The following TLE2 variants were observed in gnomAD, a reference collection of about 807,000 sequenced individuals.
The protein encoded by TLE2 is transducin-like enhancer protein 2.
Under a neutral mutation model 97.2 loss-of-function variants are expected in TLE2, and 74 were observed. The observed-to-expected ratio is 0.76, with a 90% CI of 0.63 to 0.92. The LOEUF (loss-of-function observed/expected upper bound fraction) is 0.92, where lower values mean the gene tolerates loss of function less well. TLE2 is among the 40% of genes least tolerant of loss of function. The pLI is 0.00. For synonymous variants in TLE2, 499 were observed against 432.1 expected (o/e 1.15, Z -1.92); for missense variants, 1,038 against 1,008.7 (o/e 1.03, Z -0.39).
chr19:3,033,861 T>G (rs2090044151), upstream of TLE2, among the ~76,000 whole-genome samples: 1 of 149,138 alleles, frequency 6.7e-6, no homozygotes, highest in Non-Finnish European at 1.5e-5. Context: ...CTACAAAAAG[T>G]AAAATAACAA....
In TLE2 at chr19:3,005,521, G is replaced by A; in HGVS notation, c.1812C>T (p.Leu604=). The A allele has an allele frequency of 6.2e-7, 1 of 1,613,764 alleles. No homozygotes were observed. Among genetic ancestry groups the A allele is most frequent in the South Asian group, 1.1e-5 (1 of 91,048 alleles). ...CCGTGTTGTCCAGGCCCCCTGTCCAGAGCCGAGTGCCGTAATCGGAAATAT... is the reference window on the plus strand; with the variant it reads ...CCGTGTTGTCCAGGCCCCCTGTCCAAAGCCGAGTGCCGTAATCGGAAATAT... The part of the protein sequence containing the change: ...CIDISDYGTR[L]WTGGLDNTVR... The change falls in exon 17 of 20, where the codon CTC becomes CTT. Residue 604 remains leucine, a synonymous_variant. Coordinates refer to ENST00000262953, the MANE Select transcript of TLE2 (RefSeq NM_003260.5).
At chr19:3,044,672 G>A (rs533604099) in intron 1 of TLE2, among the ~76,000 whole-genome samples, 3 of 152,194 alleles carry the variant, frequency 2.0e-5, no homozygotes, top group East Asian at 1.9e-4. Context: ...CTCCTGCCTC[G>A]GCCTCCCGAA....
chr19:3,009,514 C>A, intron 13 of TLE2, 28 bp downstream of exon 13: 2 of 1,564,038 alleles, frequency 1.3e-6, no homozygotes, highest in Non-Finnish European at 1.7e-6. Flanking sequence ...CCTGCTGACA[C>A]CTCCTGCGCC....
chr19:3,014,616 TG>T lies in TLE2; in HGVS notation c.679-3del. The T allele has an allele frequency of 1.9e-6, 3 of 1,589,748 alleles. No individual in the cohort carries two copies. Among genetic ancestry groups the T allele is most frequent in the South Asian group, 1.1e-5 (1 of 87,106 alleles). ...ATCACTCTTGTCTTCGTCGCTTTCC[TG>T]GGGGAAGATGGGGGAGAGAGCTCAT... On this transcript the variant is annotated splice_region_variant and splice_polypyrimidine_tract_variant and intron_variant, in intron 9 of 19. Coordinates refer to ENST00000262953, the MANE Select transcript of TLE2 (RefSeq NM_003260.5).
intron 10 of TLE2, among the ~76,000 whole-genome samples, chr19:3,014,145 C>T (rs894851891): frequency 5.3e-5 from 8 of 152,064 alleles, no homozygotes; most frequent in African/African-American, 1.2e-4. Flanking sequence ...GTCTCAAACT[C>T]CTGACCTCAA....
At chr19:3,027,957 G>T in intron 3 of TLE2, 84 bp from the exon 4 acceptor site, 1 of 1,368,340 alleles carries the variant, frequency 7.3e-7, no homozygotes, top group Non-Finnish European at 1.0e-6. Context: ...TCTTCCAAGA[G>T]TCCCCAGGTT....
intron 10 of TLE2, among the ~76,000 whole-genome samples, chr19:3,014,277 T>G (rs1361591662): frequency 1.3e-5 from 2 of 152,114 alleles, no homozygotes; most frequent in Non-Finnish European, 2.9e-5. Flanking sequence ...GAGGACTATA[T>G]AAAGGCTTGG....
chr19:3,033,699 C>G (rs1340103758), upstream of TLE2, among the ~76,000 whole-genome samples: 1 of 151,914 alleles, frequency 6.6e-6, no homozygotes, highest in Non-Finnish European at 1.5e-5. Flanking sequence ...CCTCCCTCTG[C>G]GGGGCTCTCC....
chr19:3,014,177 C>G (rs1022176809), intron 10 of TLE2, among the ~76,000 whole-genome samples: 6 of 152,126 alleles, frequency 3.9e-5, no homozygotes, highest in Non-Finnish European at 7.3e-5. Flanking sequence ...GCCTCAGCCT[C>G]CCAAAGTGCT....
chr19:2,998,237 A>ATGTGTGTGTGTGTGTG (rs56398458), intron 19 of TLE2, among the ~76,000 whole-genome samples: 69 of 121,412 alleles, frequency 5.7e-4, no homozygotes, highest in African/African-American at 2.2e-3. Flanking sequence ...CGCCCGGCCA[A>ATGTGTGTGTGTGTGTG]TGTGTGTGTG....
Position 3,013,790 on chromosome 19 carries a change from G to A in TLE2, c.752C>T (p.Ala251Val). ...GGGTACCTTTCCGCAGGGGGTGGTA[G>A]CCGGGCTGGGGGGCTCTGAGGGTTG... ...EDQPSEPPSP[A>V]TTPCGKVPIC... Residue 251 changes from alanine to valine, a missense_variant, in exon 11 of 20, where the codon GCT (alanine) becomes GTT (valine). Physicochemically the swap from Ala to Val is moderately conservative, Grantham distance 64. Transcript: ENST00000262953. 1 of 1,557,372 alleles carries A rather than the reference G, an allele frequency of 6.4e-7. No homozygotes were observed. The highest frequency in any genetic ancestry group is 1.2e-5 in the South Asian group (1 of 82,536).
rs2089452726 is a variant in TLE2, at chr19:3,005,450, T to C, written c.1883A>G (p.Asp628Gly). Residue 628 changes from aspartate (D) to glycine (G), a missense_variant, in exon 17 of 20, where the codon GAC (aspartate) becomes GGC (glycine). By Grantham distance (94) the Asp-to-Gly change is moderately conservative. Coordinates refer to ENST00000262953, the MANE Select transcript of TLE2 (RefSeq NM_003260.5). ...LREGRQLQQH[D>G]FSSQIFSLGH... ...ACCGAACAGCACCTGGGAGCTGAAG[T>C]CATGCTGCTGCAGCTGGCGGCCCTC... 1 of 1,613,722 alleles carries C rather than the reference T, an allele frequency of 6.2e-7. No homozygotes were observed. The highest frequency in any genetic ancestry group is 1.3e-5 in the African/African-American group (1 of 74,920).
Position 3,015,934 on chromosome 19 carries a change from CTCTT to C in TLE2, c.571-178_571-175del, listed in dbSNP as rs1346277612. 4.3e-6 allele frequency: 3 copies of C among 693,868 alleles called. No individual in the cohort carries two copies. In the African/African-American group the frequency reaches 5.3e-5, roughly 12 times the overall value. The allele number at this position is 693,868 out of a possible 1,614,324, so 43.0% of individuals were successfully genotyped here. On this transcript the variant is annotated intron_variant, in intron 8 of 19. Transcript: ENST00000262953. ...TGACTCAGTGCTAAGGTTTTGTTCT[CTCTT>C]CTGTTTTGTTTTGTTTTTGACGGAG...
rs774732505 is a variant in TLE2 at position 3,027,856 on chromosome 19, G to C, written c.204C>G (p.Tyr68Ter). The C allele has an allele frequency of 1.9e-6, 3 of 1,611,352 alleles. No individual in the cohort carries two copies. Among genetic ancestry groups the C allele is most frequent in the Non-Finnish European group, 2.5e-6 (3 of 1,178,950 alleles). Reference sequence around the variant, plus strand: ...GCTTATGCATTTCAATGTTGAGCCCGTACGACATCTCATAATACTGCAAAG... The same window carrying C: ...GCTTATGCATTTCAATGTTGAGCCCCTACGACATCTCATAATACTGCAAAG... ...RHYVMYYEMS[Y>*]GLNIEMHKQA... The change falls in exon 4 of 20, where the codon TAC (tyrosine) becomes TAG (stop). Residue 68 changes from tyrosine to a stop codon, truncating the protein, a stop_gained. Transcript: ENST00000262953. LOFTEE classifies it high-confidence loss of function.
rs1555695656 is a variant in TLE2, at chr19:3,041,013, A to ATATATATT, written c.63+4712_63+4713insAATATATA. On this transcript the variant is annotated intron_variant, in intron 1 of 18. Transcript: ENST00000426948. Reference sequence around the variant, plus strand: ...CATTTATATATATATATATATATATATTTTTTTTTTTTTTTTTTTTTTTTT... The same window carrying ATATATATT: ...CATTTATATATATATATATATATATATATATATTTTTTTTTTTTTTTTTTTTTTTTTTT... Among the ~76,000 whole-genome samples the ATATATATT allele has an allele frequency of 4.1e-4, 12 of 28,976 alleles. 1 individual carries two copies. Among genetic ancestry groups the ATATATATT allele is most frequent in the East Asian group, 1.0e-3 (1 of 988 alleles). 19.0% of individuals were successfully genotyped at this position (28,976 alleles called of 152,430 possible).
intron 13 of TLE2, 32 bp from the exon 14 acceptor site, chr19:3,008,977 C>A: frequency 6.5e-7 from 1 of 1,529,066 alleles, no homozygotes. Flanking sequence ...GTCAGTGAGG[C>A]AGGTGACTCC....
chr19:3,037,622 C>T (rs1044319126), intron 1 of TLE2, among the ~76,000 whole-genome samples: 1 of 152,052 alleles, frequency 6.6e-6, no homozygotes, highest in African/African-American at 2.4e-5. Flanking sequence ...GAGTCAGGGC[C>T]TGGGAGCCCG....
intron 17 of TLE2, among the ~76,000 whole-genome samples, chr19:3,004,895 G>A (rs1237984677): frequency 1.3e-5 from 2 of 152,012 alleles, no homozygotes; most frequent in African/African-American, 4.8e-5. Flanking sequence ...CTGGGGTCAC[G>A]GTGCCTGAAG....
At chr19:2,999,318 C>A (rs1297028171) in intron 19 of TLE2, among the ~76,000 whole-genome samples, 1 of 151,664 alleles carries the variant, frequency 6.6e-6, no homozygotes, top group Non-Finnish European at 1.5e-5. Context: ...CCAGGACGGG[C>A]ATATTAAAAA....
Sources: allele counts gnomAD v4.1 joint callset (sites outside exome capture counted in the v4.1 genomes callset), GRCh38; gene constraint gnomAD v4.1.1; transcripts MANE v1.5; gene names NCBI Gene and HGNC (gene_info 2026-07-23, HGNC 2026-07-21).